OSBPL3: variants seen among roughly 807,000 people sequenced by gnomAD.
The protein encoded by OSBPL3 is oxysterol-binding protein-related protein 3.
A neutral mutation model predicts 120.1 loss-of-function variants in OSBPL3; 65 were observed. The observed-to-expected ratio is 0.54, with a 90% confidence interval of 0.44 to 0.67. The LOEUF (loss-of-function observed/expected upper bound fraction) is 0.67, where lower values mean the gene tolerates loss of function less well. Ranked by LOEUF, OSBPL3 falls within the 30% of genes least tolerant of loss-of-function variation. The pLI is 0.00. For synonymous variants in OSBPL3, 416 were observed against 402.6 expected (o/e 1.03, Z -0.40); for missense variants, 1,004 against 1,082.1 (o/e 0.93, Z 1.01).
chr7:24,866,270 G>A (rs1474022723), intron 5 of OSBPL3, 33 bp from the exon 6 acceptor site: 1 of 1,488,290 alleles, frequency 6.7e-7, no homozygotes. Flanking sequence ...AAGGAAACAA[G>A]AGAATCATTC....
At chr7:24,861,937 A>C (rs1800615909) in intron 9 of OSBPL3, among the ~76,000 whole-genome samples, 168 bp from the exon 10 acceptor site, 1 of 145,442 alleles carries the variant, frequency 6.9e-6, no homozygotes, top group Admixed American at 7.1e-5. Flanking sequence ...CCCAGGCTGG[A>C]GTGCAGTGGC....
chr7:24,864,244 T>C (rs35684794), intron 7 of OSBPL3, among the ~76,000 whole-genome samples: 2 of 152,212 alleles, frequency 1.3e-5, no homozygotes, highest in Non-Finnish European at 2.9e-5. Flanking sequence ...TGCTGTTCAC[T>C]GAATGCTGAT....
intron 1 of OSBPL3, among the ~76,000 whole-genome samples, chr7:24,901,335 G>C (rs1470288614): frequency 1.3e-5 from 2 of 149,566 alleles, no homozygotes; most frequent in Non-Finnish European, 3.0e-5. Flanking sequence ...CTGGGTGACA[G>C]AGCAAGACTC....
intron 1 of OSBPL3, among the ~76,000 whole-genome samples, chr7:24,973,633 C>G (rs962579911): frequency 2.0e-5 from 3 of 152,202 alleles, no homozygotes; most frequent in Admixed American, 1.3e-4. Context: ...ATTCTTCACA[C>G]TGCTATTCCA....
chr7:24,976,670 C>T (rs1584778853), intron 1 of OSBPL3, among the ~76,000 whole-genome samples: 1 of 152,324 alleles, frequency 6.6e-6, no homozygotes, highest in East Asian at 1.9e-4. Context: ...CTAACAGTTT[C>T]CATCTTCCCT....
At position 24,816,627 on chromosome 7, in the gene OSBPL3, G is replaced by C; in HGVS notation, c.2010C>G (p.Thr670=). ...GAACTTACACTGGCAGAGTCACATG[G>C]GTTGTGCCAATTGGAACAATTTCCA... ...KSMEIVPIGT[T]HVTLPVFGDH... The change falls in exon 18 of 23, where the codon ACC becomes ACG. Residue 670 remains threonine (T), a synonymous_variant. Transcript: ENST00000313367. 6.2e-7 allele frequency: 1 copy of C among 1,611,670 alleles called. No homozygotes were observed. The highest frequency in any genetic ancestry group is 8.5e-7 in the Non-Finnish European group (1 of 1,177,784).
At position 24,932,497 on chromosome 7, in the gene OSBPL3, T is replaced by C. The variant is rs1011423304; in HGVS notation, c.-149-39876A>G. On this transcript the variant is annotated intron_variant, in intron 1 of 22. Transcript: ENST00000313367. This position sits in a 1 kb window ranked among gnomAD's most constrained non-coding sequence, Gnocchi z 5.6. ...AAACCTAGTCACCAATTTGATGGCA[T>C]TGGGATGTGGGGTCTTTGGGAGGTG... Among the ~76,000 whole-genome samples, 12 of 152,146 alleles carry C rather than the reference T, an allele frequency of 7.9e-5. No individual in the cohort carries two copies. Among genetic ancestry groups the C allele is most frequent in the Non-Finnish European group, 1.3e-4 (9 of 68,026 alleles).
chr7:24,904,916 CAG>C (rs1807637565), intron 1 of OSBPL3, among the ~76,000 whole-genome samples: 3 of 103,266 alleles, frequency 2.9e-5, no homozygotes, highest in South Asian at 3.9e-4. Context: ...TCATAATATA[CAG>C]GTGTGTGTGT....
At chr7:24,889,026 G>A (rs1804936463) in intron 2 of OSBPL3, among the ~76,000 whole-genome samples, 1 of 152,048 alleles carries the variant, frequency 6.6e-6, no homozygotes, top group South Asian at 2.1e-4. Flanking sequence ...TATACAAAAT[G>A]CCACCCTCAC....
chr7:24,897,571 C>T (rs1267870679), intron 1 of OSBPL3, among the ~76,000 whole-genome samples: 2 of 151,936 alleles, frequency 1.3e-5, no homozygotes, highest in Non-Finnish European at 2.9e-5. Flanking sequence ...GTGATCCGCC[C>T]GCCTCGGCCT....
chr7:24,928,138 C>T (rs1026908083), intron 1 of OSBPL3, among the ~76,000 whole-genome samples: 2 of 151,886 alleles, frequency 1.3e-5, no homozygotes, highest in East Asian at 1.9e-4. Context: ...TGAGGCCTCC[C>T]GAACCATGTG....
chr7:24,926,408 T>C (rs901623719), intron 1 of OSBPL3, among the ~76,000 whole-genome samples: 2 of 152,192 alleles, frequency 1.3e-5, no homozygotes, highest in African/African-American at 4.8e-5. Context: ...AGGATCCAGG[T>C]ATAAACATTT....
In OSBPL3 at chr7:24,820,033, A is replaced by G. The variant is rs1329995584; in HGVS notation, c.1948+142T>C. On this transcript the variant is annotated intron_variant, in intron 17 of 22. Coordinates refer to ENST00000313367, the MANE Select transcript of OSBPL3 (RefSeq NM_015550.4). This position sits in a 1 kb window ranked among gnomAD's most constrained non-coding sequence, Gnocchi z 4.6. ...ACTAAGTGAGAGATGAGAGGCAAGA[A>G]CAGGTGGCGCAGATCCTTCCAACCA... 1.8e-6 allele frequency: 1 copy of G among 550,516 alleles called. No homozygotes were observed. Among genetic ancestry groups the G allele is most frequent in the Non-Finnish European group, 3.3e-6 (1 of 298,620 alleles). The allele number at this position is 550,516 out of a possible 1,614,324, so 34.1% of individuals were successfully genotyped here.
intron 14 of OSBPL3, among the ~76,000 whole-genome samples, chr7:24,837,376 G>A (rs1184815498): frequency 6.6e-6 from 1 of 151,802 alleles, no homozygotes; most frequent in South Asian, 2.1e-4. Context: ...GCTAGTTTTT[G>A]TATCTTTTTT....
rs182460426 is a variant in OSBPL3 at position 24,896,518 on chromosome 7, C to T, written c.-149-3897G>A. Among the ~76,000 whole-genome samples the T allele has an allele frequency of 4.6e-5, 7 of 152,330 alleles. No individual in the cohort carries two copies. The highest frequency in any genetic ancestry group is 7.2e-5 in the African/African-American group (3 of 41,574). On this transcript the variant is annotated intron_variant, in intron 1 of 22. Coordinates refer to ENST00000313367, the MANE Select transcript of OSBPL3 (RefSeq NM_015550.4). The surrounding 1 kb of genome is among the most constrained non-coding windows in gnomAD (Gnocchi z 4.4). ...AGAATGGGGAAGAATAAATGACCAA[C>T]GCACTGTCAAGTATTTTGGCAACAA...
At chr7:24,910,063 C>T (rs1217422792) in intron 1 of OSBPL3, among the ~76,000 whole-genome samples, 1 of 152,070 alleles carries the variant, frequency 6.6e-6, no homozygotes, top group Non-Finnish European at 1.5e-5. Context: ...GCCTCGGCCT[C>T]CCAAAGTGCT....
chr7:24,806,937 C>A lies in OSBPL3; in HGVS notation c.2318-35G>T. ...AAATAAATCATTCACCCCTAACTTG[C>A]ATGTTACTTATGTTACATTTTAATT... On this transcript the variant is annotated intron_variant, in intron 20 of 22. Transcript: ENST00000313367. The surrounding 1 kb of genome is among the most constrained non-coding windows in gnomAD (Gnocchi z 5.2). The A allele has an allele frequency of 6.4e-7, 1 of 1,556,794 alleles. No individual in the cohort carries two copies. The highest frequency in any genetic ancestry group is 8.7e-7 in the Non-Finnish European group (1 of 1,147,398).
At chr7:24,931,123 C>A (rs1811735444) in intron 1 of OSBPL3, among the ~76,000 whole-genome samples, 1 of 151,992 alleles carries the variant, frequency 6.6e-6, no homozygotes, top group Admixed American at 6.6e-5. Context: ...TAGAATAGGT[C>A]TTTTCTAAAA....
chr7:24,884,511 C>G (rs1282652505), intron 2 of OSBPL3, among the ~76,000 whole-genome samples: 3 of 152,210 alleles, frequency 2.0e-5, no homozygotes, highest in East Asian at 3.9e-4. Flanking sequence ...CTGAGAGCAG[C>G]CTAGACACAA....
Sources: gnomAD v4.1 joint callset for allele counts (sites outside exome capture counted in the v4.1 genomes callset) on GRCh38, gnomAD v4.1.1 for gene constraint, Gnocchi (gnomAD v3.1) non-coding constraint, MANE v1.5 for transcripts, NCBI Gene and HGNC (gene_info 2026-07-23, HGNC 2026-07-21) for gene names.